AHCTF1: variants seen among roughly 807,000 people sequenced by gnomAD.
The protein encoded by AHCTF1 is protein ELYS.
In AHCTF1, 24 loss-of-function variants were observed where a neutral mutation model predicts 248.4. The ratio of observed to expected loss-of-function variants is 0.10; its 90% CI spans 0.07 to 0.14. The LOEUF (loss-of-function observed/expected upper bound fraction) is 0.14, where lower values mean the gene tolerates loss of function less well. Ranked by LOEUF, AHCTF1 falls within the 10% of genes least tolerant of loss-of-function variation. The probability of loss-of-function intolerance (pLI) is 1.00; values close to 1 mark genes in which losing one functional copy is unlikely to be tolerated. For synonymous variants in AHCTF1, 786 were observed against 929.8 expected (o/e 0.85, Z 2.81); for missense variants, 2,206 against 2,636.2 (o/e 0.84, Z 3.57).
intron 2 of AHCTF1, among the ~76,000 whole-genome samples, chr1:246,916,624 A>G (rs1242576457): frequency 6.6e-6 from 1 of 152,204 alleles, no homozygotes; most frequent in Non-Finnish European, 1.5e-5. Flanking sequence ...ACTGCACTCC[A>G]GCCTGCGTGA....
At chr1:246,867,848 T>C in intron 24 of AHCTF1, 37 bp from the exon 25 acceptor site, 1 of 1,491,904 alleles carries the variant, frequency 6.7e-7, no homozygotes, top group Non-Finnish European at 9.0e-7. Context: ...AGTGCATCTC[T>C]AACAAACGGG....
rs559075160 is a variant in AHCTF1, at chr1:246,869,633, G to T, written c.3089-1822C>A. Among the ~76,000 whole-genome samples the T allele has an allele frequency of 5.9e-5, 9 of 151,896 alleles. No homozygotes were observed. In the South Asian group the frequency reaches 1.9e-3, roughly 32 times the overall value. ...TCTACTATGCCTGTCTTCTATCAAT[G>T]GAAAAAGCCTAGATGAAAACACATC... On this transcript the variant is annotated intron_variant, in intron 24 of 35. Coordinates refer to ENST00000648844, the MANE Select transcript of AHCTF1 (RefSeq NM_001323342.2).
chr1:246,869,281 C>T (rs955104949), intron 24 of AHCTF1, among the ~76,000 whole-genome samples: 3 of 152,158 alleles, frequency 2.0e-5, no homozygotes, highest in Non-Finnish European at 4.4e-5. Context: ...TCCCCGAGGA[C>T]CTCCCTTATT....
Position 246,900,145 on chromosome 1 carries a change from T to C in AHCTF1, c.1352A>G (p.His451Arg), listed in dbSNP as rs773828178. 1.2e-6 allele frequency: 2 copies of C among 1,610,166 alleles called. No homozygotes were observed. Among genetic ancestry groups the C allele is most frequent in the African/African-American group, 1.3e-5 (1 of 74,738 alleles). The change falls in exon 10 of 36, where the codon CAT becomes CGT. Residue 451 changes from histidine to arginine, a missense_variant. By Grantham distance (29) the His-to-Arg change is conservative. Transcript: ENST00000648844. The stretch of plus-strand genomic sequence containing the variant: ...GACTCCTCTATTTAAACTTCTCTCA[T>C]GTACTAATATATCCAAGATGCCATG... ...SPHGILDILV[H>R]ERSLNRGVPP...
At chr1:246,910,819 A>T (rs973548083) in intron 4 of AHCTF1, among the ~76,000 whole-genome samples, 2 of 152,164 alleles carry the variant, frequency 1.3e-5, no homozygotes, top group Admixed American at 1.3e-4. Flanking sequence ...CAGTTCACAC[A>T]ATGGGATACT....
At chr1:246,878,582 G>T (rs1430863594) in intron 21 of AHCTF1, among the ~76,000 whole-genome samples, 3 of 152,122 alleles carry the variant, frequency 2.0e-5, no homozygotes, top group South Asian at 2.1e-4. Context: ...AAGTAGAAAA[G>T]AAAAAGTTCT....
At chr1:246,858,039 A>G (rs1021442486) in intron 29 of AHCTF1, among the ~76,000 whole-genome samples, 3 of 150,174 alleles carry the variant, frequency 2.0e-5, no homozygotes, top group African/African-American at 7.4e-5. Context: ...GGCTCACTGC[A>G]AGCTCTGCCT....
At chr1:246,856,665 T>A (rs1280460527) in intron 30 of AHCTF1, among the ~76,000 whole-genome samples, 1 of 152,216 alleles carries the variant, frequency 6.6e-6, no homozygotes, top group Non-Finnish European at 1.5e-5. Context: ...TTAGTTTTCA[T>A]TAAAATTCAA....
chr1:246,877,408 A>G, intron 21 of AHCTF1, 106 bp from the exon 22 acceptor site: 4 of 1,212,162 alleles, frequency 3.3e-6, no homozygotes, highest in Non-Finnish European at 1.1e-6. Flanking sequence ...AAGTATCTTT[A>G]TAAATAATTG....
chr1:246,842,053 A>C (rs1404589549), intron 35 of AHCTF1, among the ~76,000 whole-genome samples: 2 of 148,554 alleles, frequency 1.3e-5, no homozygotes, highest in Non-Finnish European at 3.0e-5. Context: ...TCGGCCTCCC[A>C]AAGTGCTCGG....
intron 4 of AHCTF1, among the ~76,000 whole-genome samples, chr1:246,910,705 G>A (rs1332500139): frequency 6.6e-6 from 1 of 152,100 alleles, no homozygotes; most frequent in African/African-American, 2.4e-5. Flanking sequence ...GTTATAAAGG[G>A]GGAAAAATCA....
At chr1:246,891,600 G>A (rs896999597) in intron 15 of AHCTF1, among the ~76,000 whole-genome samples, 179 bp downstream of exon 15, 6 of 152,152 alleles carry the variant, frequency 3.9e-5, no homozygotes, top group Admixed American at 3.9e-4. Context: ...CTCATGGCAT[G>A]TCTAACAACA....
intron 4 of AHCTF1, among the ~76,000 whole-genome samples, chr1:246,909,864 G>C (rs1034468538): frequency 6.6e-6 from 1 of 152,172 alleles, no homozygotes; most frequent in African/African-American, 2.4e-5. Context: ...CTAACTACTA[G>C]TAGCAAGTAG....
chr1:246,929,125 T>C (rs906706190), intron 1 of AHCTF1, among the ~76,000 whole-genome samples: 1 of 152,130 alleles, frequency 6.6e-6, no homozygotes, highest in African/African-American at 2.4e-5. Context: ...AAGAGTACAG[T>C]GGGCTGGGTG....
At chr1:246,905,225 C>T (rs1281556509) in intron 6 of AHCTF1, among the ~76,000 whole-genome samples, 2 of 152,158 alleles carry the variant, frequency 1.3e-5, no homozygotes, top group Non-Finnish European at 2.9e-5. Flanking sequence ...TCAGGCCAGT[C>T]GTGGTGACTC....
intron 8 of AHCTF1, among the ~76,000 whole-genome samples, chr1:246,901,653 A>T (rs1178483702): frequency 2.6e-5 from 4 of 152,068 alleles, no homozygotes; most frequent in Non-Finnish European, 5.9e-5. Flanking sequence ...CCCTGTCACT[A>T]CAAAAAATAC....
rs10924871 is a variant in AHCTF1, at chr1:246,931,612, G to A, written c.-42C>T. The A allele has an allele frequency of 0.024, 3,778 of 160,384 alleles. 165 individuals carry two copies. The highest frequency in any genetic ancestry group is 0.088 in the African/African-American group (3,622 of 41,388). The allele number at this position is 160,384 out of a possible 1,614,324, so 9.9% of individuals were successfully genotyped here. On this transcript the variant is annotated 5_prime_UTR_variant, in exon 1 of 36. Transcript: ENST00000648844. ...GCGGGTGAGCGCGCCGCCGCGGGCC[G>A]AGTCCACCGGGTCGCCAGGCCAGGC...
chr1:246,903,462 A>G (rs561142902), intron 7 of AHCTF1, among the ~76,000 whole-genome samples: 6 of 152,350 alleles, frequency 3.9e-5, no homozygotes, highest in Admixed American at 1.3e-4. Context: ...CTACCTGGGT[A>G]AATAGGTAAA....
chr1:246,895,617 T>C (rs1266503034), intron 13 of AHCTF1, among the ~76,000 whole-genome samples: 1 of 152,158 alleles, frequency 6.6e-6, no homozygotes, highest in African/African-American at 2.4e-5. Flanking sequence ...AACGGCAGCA[T>C]GAGGGATCCT....
Sources: allele counts gnomAD v4.1 joint callset (sites outside exome capture counted in the v4.1 genomes callset), GRCh38; gene constraint gnomAD v4.1.1; transcripts MANE v1.5; gene names NCBI Gene and HGNC (gene_info 2026-07-23, HGNC 2026-07-21).